Variants in DCAF4L2 observed in about 807,000 individuals in gnomAD.
DCAF4L2 encodes DDB1- and CUL4-associated factor 4-like protein 2.
DCAF4L2 carries 13 observed loss-of-function variants against 15.5 expected under a neutral mutation model. The observed-to-expected ratio is 0.84, with a 90% CI of 0.54 to 1.33. The LOEUF is 1.33. DCAF4L2 is among the 40% of genes most tolerant of loss of function. DCAF4L2 has a pLI of 0.00. For synonymous variants in DCAF4L2, 251 were observed against 207.0 expected, an observed-to-expected ratio of 1.21 and a Z score of -1.83; for missense variants, 519 against 509.6, an observed-to-expected ratio of 1.02 and a Z score of -0.18.
In DCAF4L2 at chr8:87,873,936, T is replaced by C; in HGVS notation, c.36A>G (p.Ala12=). ...CTCTGACTGTCTTTTTCTGCTTGTCTGCTTCCTCGAGCAGTCGCGGTCTTT... is the reference window on the plus strand; with the variant it reads ...CTCTGACTGTCTTTTTCTGCTTGTCCGCTTCCTCGAGCAGTCGCGGTCTTT... ...ESKRPRLLEE[A]DKQKKTVRVG... Residue 12 remains alanine (A), a synonymous_variant, in exon 1 of 1, where the codon GCA becomes GCG. Coordinates refer to ENST00000319675, the MANE Select transcript of DCAF4L2 (RefSeq NM_152418.4). 3.7e-6 allele frequency: 6 copies of C among 1,614,076 alleles called. No homozygotes were observed. Among genetic ancestry groups the C allele is most frequent in the Non-Finnish European group, 5.1e-6 (6 of 1,180,000 alleles).
In DCAF4L2 at chr8:87,873,486, C is replaced by T. The variant is rs928287261; in HGVS notation, c.486G>A (p.Ser162=). The T allele has an allele frequency of 5.0e-6, 8 of 1,614,196 alleles. No individual in the cohort carries two copies. Among genetic ancestry groups the T allele is most frequent in the Non-Finnish European group, 6.8e-6 (8 of 1,180,036 alleles). ...TTCCTGGGAAGCTACCTATGAACAG[C>T]GACGCTGGGAGCAGCACGGCACAGC... ...TPSCAVLLPA[S]LFIGSFPGMR... The change falls in exon 1 of 1, where the codon TCG becomes TCA. Residue 162 remains serine, a synonymous_variant. Transcript: ENST00000319675.
Position 87,872,836 on chromosome 8 carries a change from G to A in DCAF4L2, c.1136C>T (p.Pro379Leu). The A allele has an allele frequency of 6.2e-7, 1 of 1,612,848 alleles. No individual in the cohort carries two copies. Among genetic ancestry groups the A allele is most frequent in the African/African-American group, 1.3e-5 (1 of 75,028 alleles). The change falls in exon 1 of 1, where the codon CCA (proline) becomes CTA (leucine). Residue 379 changes from proline to leucine, a missense_variant. Transcript: ENST00000319675. ...SSRLGGFRGA[P>L]GLLMAVREDL... ...CTCCCGGACAGCCATGAGCAGCCCT[G>A]GTGCTCCTCGGAAGCCCCCGAGGCG...
In DCAF4L2 at chr8:87,873,980, G is replaced by A. The variant is rs370890421; in HGVS notation, c.-9C>T. ...GGTCTTTTGCTCTCCATTTCGTTCG[G>A]CGGATGTTCTCCCTCCTGAGGGGAA... is the stretch of plus-strand genomic sequence containing the variant. On this transcript the variant is annotated 5_prime_UTR_variant, in exon 1 of 1. Coordinates refer to ENST00000319675, the MANE Select transcript of DCAF4L2 (RefSeq NM_152418.4). 23 of 1,611,374 alleles carry A rather than the reference G, an allele frequency of 1.4e-5. No individual in the cohort carries two copies. Among genetic ancestry groups the A allele is most frequent in the Admixed American group, 6.7e-5 (4 of 59,918 alleles).
Position 87,873,514 on chromosome 8 carries a change from G to A in DCAF4L2, c.458C>T (p.Pro153Leu). The part of the protein sequence containing the change: ...LLCFVGLADT[P>L]SCAVLLPASL... ...CGCTGGGAGCAGCACGGCACAGCTTGGAGTATCTGCAAGTCCCACGAAGCA... is the reference window on the plus strand; with the variant it reads ...CGCTGGGAGCAGCACGGCACAGCTTAGAGTATCTGCAAGTCCCACGAAGCA... The change falls in exon 1 of 1, where the codon CCA becomes CTA. Residue 153 changes from proline to leucine, a missense_variant. Coordinates refer to ENST00000319675, the MANE Select transcript of DCAF4L2 (RefSeq NM_152418.4). 1.9e-6 allele frequency: 3 copies of A among 1,614,216 alleles called. No individual in the cohort carries two copies. Among genetic ancestry groups the A allele is most frequent in the Non-Finnish European group, 2.5e-6 (3 of 1,180,044 alleles).
chr8:87,873,426 G>A lies in DCAF4L2; in HGVS notation c.546C>T (p.Ile182=), dbSNP rs1213290899. 5 of 1,614,204 alleles carry A rather than the reference G, an allele frequency of 3.1e-6. No homozygotes were observed. In the South Asian group the frequency reaches 3.3e-5, roughly 11 times the overall value. ...RRPGMLCSFQ[I]PDAWSCAWSL... Reference sequence around the variant, plus strand: ...ACCAGGCACAGGACCAGGCATCAGGGATCTGGAAACTGCAAAGCATGCCAG... The same window carrying A: ...ACCAGGCACAGGACCAGGCATCAGGAATCTGGAAACTGCAAAGCATGCCAG... Residue 182 remains isoleucine, a synonymous_variant, in exon 1 of 1, where the codon ATC becomes ATT. Coordinates refer to ENST00000319675, the MANE Select transcript of DCAF4L2 (RefSeq NM_152418.4).
At position 87,872,768 on chromosome 8, in the gene DCAF4L2, G is replaced by T. The variant is rs374704123; in HGVS notation, c.*16C>A. The T allele has an allele frequency of 1.4e-5, 21 of 1,542,146 alleles. No individual in the cohort carries two copies. In the East Asian group the frequency reaches 2.0e-4, roughly 15 times the overall value. On this transcript the variant is annotated 3_prime_UTR_variant, in exon 1 of 1. Coordinates refer to ENST00000319675, the MANE Select transcript of DCAF4L2 (RefSeq NM_152418.4). ...TTAAGTCAAATCCACGTTCCTCCGG[G>T]CTGCATCCTGAAGAATTAACCGTAG...
At position 87,874,006 on chromosome 8, in the gene DCAF4L2, G is replaced by A. The variant is rs370817802; in HGVS notation, c.-35C>T. On this transcript the variant is annotated 5_prime_UTR_variant, in exon 1 of 1. Coordinates refer to ENST00000319675, the MANE Select transcript of DCAF4L2 (RefSeq NM_152418.4). ...CGGATGTTCTCCCTCCTGAGGGGAAGTTCTGTCCCGGGAGTAAGAGGAAGT... is the reference window on the plus strand; with the variant it reads ...CGGATGTTCTCCCTCCTGAGGGGAAATTCTGTCCCGGGAGTAAGAGGAAGT... 53 of 1,597,078 alleles carry A rather than the reference G, an allele frequency of 3.3e-5. No homozygotes were observed. In the African/African-American group the frequency reaches 7.0e-4, roughly 21 times the overall value.
Position 87,871,620 on chromosome 8 carries a change from A to G in DCAF4L2, c.*1164T>C, listed in dbSNP as rs2117884482. The G allele has an allele frequency of 6.6e-6, 1 of 152,308 alleles. No homozygotes were observed. The highest frequency in any genetic ancestry group is 6.5e-5 in the Admixed American group (1 of 15,296). The allele number at this position is 152,308 out of a possible 1,614,324, so 9.4% of individuals were successfully genotyped here. On this transcript the variant is annotated 3_prime_UTR_variant, in exon 1 of 1. Coordinates refer to ENST00000319675, the MANE Select transcript of DCAF4L2 (RefSeq NM_152418.4). Reference sequence around the variant, plus strand: ...AAACAATATCCTAAAAATAAAAGGGAAAAAAACAAACAATATCCTTTCTTC... The same window carrying G: ...AAACAATATCCTAAAAATAAAAGGGGAAAAAACAAACAATATCCTTTCTTC...
rs752316507 is a variant in DCAF4L2 at position 87,871,741 on chromosome 8, T to C, written c.*1043A>G. The C allele has an allele frequency of 7.2e-5, 11 of 152,244 alleles. No individual in the cohort carries two copies. The highest frequency in any genetic ancestry group is 1.2e-4 in the Non-Finnish European group (8 of 68,036). 9.4% of individuals were successfully genotyped at this position (152,244 alleles called of 1,614,324 possible). ...AACTGAATCAGTTTGTACTCATTTC[T>C]ACCTACATTTACAATCAACATGTTG... On this transcript the variant is annotated 3_prime_UTR_variant, in exon 1 of 1. Transcript: ENST00000319675.
rs367683322 is a variant in DCAF4L2, at chr8:87,873,490, G to A, written c.482C>T (p.Ala161Val). 9.3e-6 allele frequency: 15 copies of A among 1,614,196 alleles called. No homozygotes were observed. The highest frequency in any genetic ancestry group is 1.7e-5 in the Admixed American group (1 of 60,028). ...TGGGAAGCTACCTATGAACAGCGAC[G>A]CTGGGAGCAGCACGGCACAGCTTGG... Reference protein sequence around the residue: ...DTPSCAVLLPASLFIGSFPGM... With the variant: ...DTPSCAVLLPVSLFIGSFPGM... The change falls in exon 1 of 1, where the codon GCG (alanine) becomes GTG (valine). Residue 161 changes from alanine to valine, a missense_variant. Ala to Val is a moderately conservative substitution (Grantham distance 64). Coordinates refer to ENST00000319675, the MANE Select transcript of DCAF4L2 (RefSeq NM_152418.4).
In DCAF4L2 at chr8:87,870,952, T is replaced by C. The variant is rs917680787; in HGVS notation, c.*1832A>G. The C allele has an allele frequency of 1.3e-5, 2 of 151,390 alleles. No individual in the cohort carries two copies. The highest frequency in any genetic ancestry group is 2.9e-5 in the Non-Finnish European group (2 of 67,990). 9.4% of individuals were successfully genotyped at this position (151,390 alleles called of 1,614,324 possible). ...AACCAATATCTACTTTATGATTTAGTTTTATTATCTAAGACATTTTACAAA... is the reference window on the plus strand; with the variant it reads ...AACCAATATCTACTTTATGATTTAGCTTTATTATCTAAGACATTTTACAAA... On this transcript the variant is annotated 3_prime_UTR_variant, in exon 1 of 1. Transcript: ENST00000319675.
At position 87,872,882 on chromosome 8, in the gene DCAF4L2, G is replaced by T. The variant is rs149579468; in HGVS notation, c.1090C>A (p.Pro364Thr). ...SPYPASENDI[P>T]SVAFSSRLGG... The stretch of plus-strand genomic sequence containing the variant: ...AGGCGAGAAGAGAAGGCCACACTGG[G>T]AATGTCGTTCTCCGAGGCGGGGTAT... The change falls in exon 1 of 1, where the codon CCC (proline) becomes ACC (threonine). Residue 364 changes from proline (P) to threonine (T), a missense_variant. Physicochemically the swap from Pro to Thr is conservative, Grantham distance 38 (BLOSUM62 -1). Transcript: ENST00000319675. The T allele has an allele frequency of 2.8e-4, 458 of 1,614,164 alleles. No homozygotes were observed. Among genetic ancestry groups the T allele is most frequent in the Non-Finnish European group, 3.6e-4 (426 of 1,180,030 alleles).
rs928983932 is a variant in DCAF4L2, at chr8:87,870,752, T to C, written c.*2032A>G. The C allele has an allele frequency of 6.6e-6, 1 of 152,170 alleles. No homozygotes were observed. Among genetic ancestry groups the C allele is most frequent in the East Asian group, 1.9e-4 (1 of 5,188 alleles). The allele number at this position is 152,170 out of a possible 1,614,324, so 9.4% of individuals were successfully genotyped here. ...AAACAATACATAATCATTGCTTTAT[T>C]TGCACTTATTTTATTTGCAAGTGAG... On this transcript the variant is annotated 3_prime_UTR_variant, in exon 1 of 1. Transcript: ENST00000319675.
Position 87,872,882 on chromosome 8 carries a change from G to A in DCAF4L2, c.1090C>T (p.Pro364Ser), listed in dbSNP as rs149579468. The change falls in exon 1 of 1, where the codon CCC becomes TCC. Residue 364 changes from proline (P) to serine (S), a missense_variant. Coordinates refer to ENST00000319675, the MANE Select transcript of DCAF4L2 (RefSeq NM_152418.4). ...AGGCGAGAAGAGAAGGCCACACTGG[G>A]AATGTCGTTCTCCGAGGCGGGGTAT... ...SPYPASENDI[P>S]SVAFSSRLGG... 3 of 1,614,164 alleles carry A rather than the reference G, an allele frequency of 1.9e-6. No individual in the cohort carries two copies. In the South Asian group the frequency reaches 3.3e-5, roughly 18 times the overall value.
At position 87,871,240 on chromosome 8, in the gene DCAF4L2, A is replaced by G. The variant is rs1213178504; in HGVS notation, c.*1544T>C. 1 of 152,252 alleles carries G rather than the reference A, an allele frequency of 6.6e-6. No homozygotes were observed. The highest frequency in any genetic ancestry group is 1.5e-5 in the Non-Finnish European group (1 of 67,982). The allele number at this position is 152,252 out of a possible 1,614,324, so 9.4% of individuals were successfully genotyped here. A position where few individuals can be genotyped will look rare whatever the true frequency, so the allele number is the denominator to read the frequency against. On this transcript the variant is annotated 3_prime_UTR_variant, in exon 1 of 1. Coordinates refer to ENST00000319675, the MANE Select transcript of DCAF4L2 (RefSeq NM_152418.4). ...AATTTTTTCACCTCAAATCCTCCCC[A>G]TTTTAGTAAATGACACCAACCATCC... is the stretch of plus-strand genomic sequence containing the variant.
chr8:87,872,937 A>AT lies in DCAF4L2; in HGVS notation c.1034dup (p.His345GlnfsTer66), dbSNP rs761571207. On this transcript the variant is annotated frameshift_variant, in exon 1 of 1. Transcript: ENST00000319675. LOFTEE classifies it high-confidence loss of function. ...AGGGTATGGTTGTGAGCAGGTGGCC[A>AT]TGACGGAGGCTCCAGATTCTCGTGT... is the stretch of plus-strand genomic sequence containing the variant. 6 of 1,614,072 alleles carry AT rather than the reference A, an allele frequency of 3.7e-6. No homozygotes were observed. The African/African-American group carries it at 6.7e-5, about 18-fold the overall frequency.
In DCAF4L2 at chr8:87,873,059, C is replaced by G; in HGVS notation, c.913G>C (p.Val305Leu). ...TTCACATGACCTTCGTACTGTGTTA[C>G]ACATTTAGTGGCCCTCAAGTCCCAC... ...KLWDLRATKC[V>L]TQYEGHVNNS... Residue 305 changes from valine (V) to leucine (L), a missense_variant, in exon 1 of 1, where the codon GTA becomes CTA. Coordinates refer to ENST00000319675, the MANE Select transcript of DCAF4L2 (RefSeq NM_152418.4). The G allele has an allele frequency of 1.2e-6, 2 of 1,614,174 alleles. No individual in the cohort carries two copies. Among genetic ancestry groups the G allele is most frequent in the Non-Finnish European group, 1.7e-6 (2 of 1,180,038 alleles).
rs1223716548 is a variant in DCAF4L2, at chr8:87,871,796, G to A, written c.*988C>T. 2.6e-5 allele frequency: 4 copies of A among 152,168 alleles called. No individual in the cohort carries two copies. Among genetic ancestry groups the A allele is most frequent in the African/African-American group, 9.7e-5 (4 of 41,398 alleles). 9.4% of individuals were successfully genotyped at this position (152,168 alleles called of 1,614,324 possible). A position where few individuals can be genotyped will look rare whatever the true frequency, so the allele number is the denominator to read the frequency against. On this transcript the variant is annotated 3_prime_UTR_variant, in exon 1 of 1. Coordinates refer to ENST00000319675, the MANE Select transcript of DCAF4L2 (RefSeq NM_152418.4). The stretch of plus-strand genomic sequence containing the variant: ...TAATCCACAGTTTCATATAGCAATT[G>A]TGCCTTATTTTATATTATGCTTTAT...
rs1161468799 is a variant in DCAF4L2, at chr8:87,871,601, T to C, written c.*1183A>G. Reference sequence around the variant, plus strand: ...TTTCCCCGTGTTACTTTCCAAACAATATCCTAAAAATAAAAGGGAAAAAAA... The same window carrying C: ...TTTCCCCGTGTTACTTTCCAAACAACATCCTAAAAATAAAAGGGAAAAAAA... On this transcript the variant is annotated 3_prime_UTR_variant, in exon 1 of 1. Transcript: ENST00000319675. 1 of 152,126 alleles carries C rather than the reference T, an allele frequency of 6.6e-6. No individual in the cohort carries two copies. The highest frequency in any genetic ancestry group is 1.5e-5 in the Non-Finnish European group (1 of 68,020). The allele number at this position is 152,126 out of a possible 1,614,324, so 9.4% of individuals were successfully genotyped here.
Sources: gnomAD v4.1 joint callset for allele counts on GRCh38, gnomAD v4.1.1 for gene constraint, MANE v1.5 for transcripts, NCBI Gene and HGNC (gene_info 2026-07-23, HGNC 2026-07-21) for gene names.